ANKS1B: variants seen among roughly 807,000 people sequenced by gnomAD.
ANKS1B encodes ankyrin repeat and sterile alpha motif domain containing 1B.
In ANKS1B, 36 loss-of-function variants were observed where a neutral mutation model predicts 148.3. That is an observed-to-expected ratio of 0.24 (90% CI 0.19 to 0.32). The LOEUF (loss-of-function observed/expected upper bound fraction) is 0.32. Ranked by LOEUF, ANKS1B falls within the 10% of genes least tolerant of loss-of-function variation. ANKS1B has a pLI of 1.00. For missense variants in ANKS1B, 1,157 were observed against 1,542.6 expected (o/e 0.75, Z 4.19); for synonymous variants, 542 against 560.8 (o/e 0.97, Z 0.47).
At chr12:99,610,036 C>A (rs1301150430) in intron 9 of ANKS1B, among the ~76,000 whole-genome samples, 1 of 152,102 alleles carries the variant, frequency 6.6e-6, no homozygotes. Context: ...ACCAGAGTTA[C>A]AAGCGCAGAA....
In ANKS1B at chr12:99,170,328, G is replaced by A. The variant is rs534062304; in HGVS notation, c.2420-15933C>T. Among the ~76,000 whole-genome samples the A allele has an allele frequency of 4.6e-5, 7 of 152,230 alleles. No individual in the cohort carries two copies. The East Asian group carries it at 1.4e-3, about 29-fold the overall frequency. ...CCCAGACTCTCGAGCCAGACTGCCT[G>A]GGTTTGAATCCTGGCTCTTTTCCAT... On this transcript the variant is annotated intron_variant, in intron 14 of 26. Coordinates refer to ENST00000683438, the MANE Select transcript of ANKS1B (RefSeq NM_001352186.2).
intron 12 of ANKS1B, among the ~76,000 whole-genome samples, chr12:99,255,717 C>A (rs1389553410): frequency 6.6e-6 from 1 of 152,064 alleles, no homozygotes; most frequent in East Asian, 1.9e-4. Context: ...TCCTTTAACT[C>A]ATTTCTCATG....
At chr12:99,567,794 C>T (rs2097411929) in intron 9 of ANKS1B, among the ~76,000 whole-genome samples, 1 of 152,126 alleles carries the variant, frequency 6.6e-6, no homozygotes, top group Admixed American at 6.6e-5. Context: ...TTTCAAAAGA[C>T]CATAACTGCT....
At chr12:99,063,518 A>C (rs2043106557) in intron 16 of ANKS1B, among the ~76,000 whole-genome samples, 1 of 152,174 alleles carries the variant, frequency 6.6e-6, no homozygotes, top group South Asian at 2.1e-4. Context: ...AGAAAGGCTG[A>C]TCTTCTGACC....
intron 9 of ANKS1B, among the ~76,000 whole-genome samples, chr12:99,607,832 G>A (rs977115081): frequency 5.3e-5 from 8 of 152,040 alleles, no homozygotes; most frequent in African/African-American, 1.9e-4. Flanking sequence ...CAAAAGCACA[G>A]AGAAAGAATG....
chr12:99,304,562 A>G (rs553423431), intron 12 of ANKS1B, among the ~76,000 whole-genome samples: 1 of 152,236 alleles, frequency 6.6e-6, no homozygotes, highest in Non-Finnish European at 1.5e-5. Context: ...GTTCCTGCTG[A>G]CAGCTTTACA....
chr12:99,507,638 T>A (rs2096724491), intron 9 of ANKS1B, among the ~76,000 whole-genome samples: 1 of 151,832 alleles, frequency 6.6e-6, no homozygotes, highest in African/African-American at 2.4e-5. Context: ...AATTTCTTCT[T>A]AGAATGTAAG....
At chr12:99,221,070 T>C (rs781307895) in intron 14 of ANKS1B, among the ~76,000 whole-genome samples, 8 of 152,134 alleles carry the variant, frequency 5.3e-5, no homozygotes, top group Admixed American at 1.3e-4. Context: ...CCGGGTGCGG[T>C]GGCTCACGCC....
At chr12:99,810,111 CAA>C (rs1350605957) in intron 3 of ANKS1B, among the ~76,000 whole-genome samples, 1 of 152,040 alleles carries the variant, frequency 6.6e-6, no homozygotes, top group Non-Finnish European at 1.5e-5. Flanking sequence ...GCTCTGGAGT[CAA>C]AGTCCTGAGT....
intron 8 of ANKS1B, among the ~76,000 whole-genome samples, chr12:99,760,324 C>T (rs1311416356): frequency 3.6e-4 from 54 of 151,860 alleles, no homozygotes; most frequent in Admixed American, 3.5e-3. Flanking sequence ...AAAATCAAAA[C>T]CATACCAACC....
chr12:99,313,062 T>A (rs1477816549), intron 12 of ANKS1B, among the ~76,000 whole-genome samples: 5 of 151,724 alleles, frequency 3.3e-5, no homozygotes, highest in Admixed American at 6.6e-5. Context: ...AAGAATCAAA[T>A]AGACACAATA....
chr12:99,631,764 C>T (rs1226872547), intron 9 of ANKS1B, among the ~76,000 whole-genome samples: 1 of 152,036 alleles, frequency 6.6e-6, no homozygotes, highest in Non-Finnish European at 1.5e-5. Context: ...GCTGCTTACA[C>T]TGAGAATTGA....
intron 12 of ANKS1B, among the ~76,000 whole-genome samples, chr12:99,374,540 T>A (rs1031240695): frequency 1.3e-5 from 2 of 152,206 alleles, no homozygotes; most frequent in African/African-American, 4.8e-5. Context: ...TAAATAATTG[T>A]CTGGCTTGTT....
chr12:99,163,467 CTGTGTGTGTG>C (rs146637164), intron 14 of ANKS1B, among the ~76,000 whole-genome samples: 22 of 135,108 alleles, frequency 1.6e-4, no homozygotes, highest in East Asian at 1.5e-3. Context: ...TACATGCACT[CTGTGTGTGTG>C]TGTGTGTGTG....
intron 14 of ANKS1B, among the ~76,000 whole-genome samples, chr12:99,157,755 A>G (rs1028273307): frequency 1.3e-5 from 2 of 152,184 alleles, no homozygotes; most frequent in Non-Finnish European, 2.9e-5. Context: ...AGACCTCACC[A>G]CTTTGGATAT....
intron 4 of ANKS1B, among the ~76,000 whole-genome samples, chr12:99,787,903 C>T (rs1295688329): frequency 6.6e-6 from 1 of 152,170 alleles, no homozygotes; most frequent in Non-Finnish European, 1.5e-5. Flanking sequence ...TGGGGTTCCG[C>T]CAGTGCCCAC....
At chr12:99,062,699 G>T (rs2042837292) in intron 16 of ANKS1B, among the ~76,000 whole-genome samples, 1 of 152,134 alleles carries the variant, frequency 6.6e-6, no homozygotes, top group African/African-American at 2.4e-5. Context: ...GGGAAGAAAA[G>T]GGGGAGATGA....
At chr12:98,939,496 G>A (rs1160846250) in intron 17 of ANKS1B, among the ~76,000 whole-genome samples, 2 of 152,186 alleles carry the variant, frequency 1.3e-5, no homozygotes, top group Non-Finnish European at 2.9e-5. Context: ...AGTGCCATGT[G>A]TTACAAATCA....
At chr12:98,896,532 C>T (rs1461853888) in intron 17 of ANKS1B, among the ~76,000 whole-genome samples, 1 of 152,162 alleles carries the variant, frequency 6.6e-6, no homozygotes, top group African/African-American at 2.4e-5. Context: ...TTTTGTCCAC[C>T]TTTGTGCCAC....
Sources: allele counts gnomAD v4.1 joint callset (sites outside exome capture counted in the v4.1 genomes callset), GRCh38; gene constraint gnomAD v4.1.1; transcripts MANE v1.5; gene names NCBI Gene and HGNC (gene_info 2026-07-23, HGNC 2026-07-21).